The following FSTL4 variants were observed in gnomAD, a reference collection of about 807,000 sequenced individuals.
The protein encoded by FSTL4 is follistatin like 4.
A neutral mutation model predicts 78.2 loss-of-function variants in FSTL4; 28 were observed. That is an observed-to-expected ratio of 0.36 (90% CI 0.27 to 0.49). FSTL4 has a LOEUF of 0.49. FSTL4 is among the 20% of genes least tolerant of loss of function. The probability of loss-of-function intolerance (pLI) is 0.98; values close to 1 mark genes in which losing one functional copy is unlikely to be tolerated. For synonymous variants in FSTL4, 422 were observed against 440.5 expected, an observed-to-expected ratio of 0.96 and a Z score of 0.53; for missense variants, 922 against 1,084.9, an observed-to-expected ratio of 0.85 and a Z score of 2.11.
At chr5:133,637,982 T>A in the FSTL4 span, among the ~76,000 whole-genome samples, 1 of 151,280 alleles carries the variant, frequency 6.6e-6, no homozygotes, top group African/African-American at 2.4e-5. Context: ...AATAATAAAT[T>A]AATTAATGGG....
At chr5:133,794,340 T>C in the FSTL4 span, among the ~76,000 whole-genome samples, 1 of 152,154 alleles carries the variant, frequency 6.6e-6, no homozygotes, top group Non-Finnish European at 1.5e-5. Flanking sequence ...TACAAGCATA[T>C]CCATCAGGAG....
chr5:133,339,607 G>A (rs1754541548), intron 4 of FSTL4, among the ~76,000 whole-genome samples: 3 of 152,146 alleles, frequency 2.0e-5, no homozygotes, highest in Non-Finnish European at 2.9e-5. Context: ...ACAAAGGAAC[G>A]AACACATGGC....
rs1249489928 is a variant in FSTL4, at chr5:133,533,987, A to G, written c.160+33199T>C. Reference sequence around the variant, plus strand: ...GGCCTAATACTGTACATTGGGCCTAACATTCTCCTGCAGCACCTACTTGTC... The same window carrying G: ...GGCCTAATACTGTACATTGGGCCTAGCATTCTCCTGCAGCACCTACTTGTC... On this transcript the variant is annotated intron_variant, in intron 3 of 15. Transcript: ENST00000265342. Among the ~76,000 whole-genome samples, 3 of 152,158 alleles carry G rather than the reference A, an allele frequency of 2.0e-5. No individual in the cohort carries two copies. The East Asian group carries it at 5.8e-4, about 29-fold the overall frequency.
chr5:133,593,989 C>A (rs1372883542), intron 2 of FSTL4, among the ~76,000 whole-genome samples: 1 of 151,694 alleles, frequency 6.6e-6, no homozygotes, highest in Non-Finnish European at 1.5e-5. Flanking sequence ...CAGGGCCAGG[C>A]ACACAGCTAG....
At chr5:133,674,595 G>GTA in the FSTL4 span, among the ~76,000 whole-genome samples, 11 of 149,110 alleles carry the variant, frequency 7.4e-5, no homozygotes, top group Non-Finnish European at 1.5e-5. Flanking sequence ...ATGTGTGTGT[G>GTA]TGTGTGTGTG....
rs1761099095 is a variant in FSTL4 at position 133,611,780 on chromosome 5, T to C, written c.-11+545A>G. ...GCCAGGCGAAGCGCAGCGGGCCCTT[T>C]GGGCTGCAGCGAGGAGACGCAAGTT... On this transcript the variant is annotated intron_variant, in intron 1 of 15. Coordinates refer to ENST00000265342, the MANE Select transcript of FSTL4 (RefSeq NM_015082.2). The surrounding 1 kb of genome is among the most constrained non-coding windows in gnomAD (Gnocchi z 4.9). 6.6e-6 allele frequency among the ~76,000 whole-genome samples: 1 copy of C among 152,070 alleles called. No individual in the cohort carries two copies. Among genetic ancestry groups the C allele is most frequent in the African/African-American group, 2.4e-5 (1 of 41,436 alleles).
chr5:133,276,971 T>G (rs568773929), intron 6 of FSTL4, among the ~76,000 whole-genome samples: 1 of 152,148 alleles, frequency 6.6e-6, no homozygotes, highest in Non-Finnish European at 1.5e-5. Context: ...ATGAGTCCGT[T>G]GATACAAAGT....
chr5:133,244,590 G>C (rs367722144), intron 7 of FSTL4: 161 of 152,408 alleles, frequency 1.1e-3, no homozygotes, highest in African/African-American at 3.7e-3. Flanking sequence ...ATAATCCAGA[G>C]ACCCACTGCC....
chr5:133,629,024 G>A, the FSTL4 span, among the ~76,000 whole-genome samples: 1 of 144,458 alleles, frequency 6.9e-6, no homozygotes, highest in Middle Eastern at 3.4e-3. Context: ...TAGAAGTGGT[G>A]AGAGAGGGCA....
intron 4 of FSTL4, among the ~76,000 whole-genome samples, chr5:133,381,086 G>A (rs1298268597): frequency 6.6e-6 from 1 of 152,192 alleles, no homozygotes; most frequent in African/African-American, 2.4e-5. Flanking sequence ...TCCAAGGAAA[G>A]CTGGTCAACA....
Position 133,528,687 on chromosome 5 carries a change from G to A in FSTL4, c.160+38499C>T, listed in dbSNP as rs114146082. Among the ~76,000 whole-genome samples, 311 of 152,270 alleles carry A rather than the reference G, an allele frequency of 2.0e-3. 1 individual carries two copies. Among genetic ancestry groups the A allele is most frequent in the Middle Eastern group, 0.01 (3 of 294 alleles). On this transcript the variant is annotated intron_variant, in intron 3 of 15. Transcript: ENST00000265342. ...CTGCCCCACTCTTCTGCAGGCCAAGGCCACTGTTCCCAGCCAACAACTCCC... is the reference window on the plus strand; with the variant it reads ...CTGCCCCACTCTTCTGCAGGCCAAGACCACTGTTCCCAGCCAACAACTCCC...
chr5:133,801,005 G>C, the FSTL4 span, among the ~76,000 whole-genome samples: 16 of 152,062 alleles, frequency 1.1e-4, no homozygotes, highest in Non-Finnish European at 2.1e-4. Flanking sequence ...CTGGCACCCG[G>C]GGGTCCTCGA....
At chr5:133,817,100 C>A in the FSTL4 span, among the ~76,000 whole-genome samples, 1 of 152,266 alleles carries the variant, frequency 6.6e-6, no homozygotes, top group Non-Finnish European at 1.5e-5. Flanking sequence ...TAGAAACAAA[C>A]TCTCATGTGT....
the FSTL4 span, among the ~76,000 whole-genome samples, chr5:133,634,468 C>A: frequency 4.6e-5 from 7 of 151,686 alleles, no homozygotes; most frequent in African/African-American, 1.7e-4. Context: ...ACATATGAGG[C>A]AAAGAGAAAA....
intron 3 of FSTL4, among the ~76,000 whole-genome samples, chr5:133,402,803 T>G (rs531798508): frequency 6.6e-6 from 1 of 152,334 alleles, no homozygotes; most frequent in South Asian, 2.1e-4. Context: ...CTGAGCAGTA[T>G]AAAAGTGCAG....
intron 3 of FSTL4, among the ~76,000 whole-genome samples, chr5:133,446,119 C>G (rs1001770806): frequency 5.3e-5 from 8 of 152,116 alleles, no homozygotes; most frequent in Admixed American, 5.2e-4. Flanking sequence ...TGGGGGCAGC[C>G]AGAGCTATTT....
At chr5:133,727,896 A>G in the FSTL4 span, among the ~76,000 whole-genome samples, 3 of 152,180 alleles carry the variant, frequency 2.0e-5, no homozygotes, top group East Asian at 3.9e-4. Context: ...GACACCTATC[A>G]CCATGTCTTG....
the FSTL4 span, among the ~76,000 whole-genome samples, chr5:133,708,146 C>A: frequency 2.6e-5 from 3 of 116,156 alleles, no homozygotes; most frequent in South Asian, 2.9e-4. Flanking sequence ...GGGCAAGGAA[C>A]GAAGGAAGGA....
At chr5:133,590,506 G>T (rs756584129) in intron 2 of FSTL4, among the ~76,000 whole-genome samples, 3 of 152,100 alleles carry the variant, frequency 2.0e-5, no homozygotes, top group Non-Finnish European at 2.9e-5. Flanking sequence ...TGGCAGGGTG[G>T]TGGACCTTCT....
Sources: allele counts gnomAD v4.1 joint callset (sites outside exome capture counted in the v4.1 genomes callset), GRCh38; gene constraint gnomAD v4.1.1; non-coding constraint Gnocchi (gnomAD v3.1); transcripts MANE v1.5; gene names NCBI Gene and HGNC (gene_info 2026-07-23, HGNC 2026-07-21).